Variants in TECRL observed in about 807,000 individuals in gnomAD.
TECRL encodes trans-2,3-enoyl-CoA reductase-like.
In TECRL, 63 loss-of-function variants were observed where a neutral mutation model predicts 52.8. That is an observed-to-expected ratio of 1.19 (90% confidence interval 0.97 to 1.47). The LOEUF (loss-of-function observed/expected upper bound fraction) is 1.47, where lower values mean the gene tolerates loss of function less well. Ranked by LOEUF, TECRL falls within the 40% of genes most tolerant of loss-of-function variation. TECRL has a pLI of 0.00. For synonymous variants in TECRL, 164 were observed against 141.9 expected (o/e 1.16, Z -1.10); for missense variants, 482 against 429.6 (o/e 1.12, Z -1.08).
At chr4:64,287,459 G>A (rs1723135846) in intron 9 of TECRL, among the ~76,000 whole-genome samples, 1 of 152,034 alleles carries the variant, frequency 6.6e-6, no homozygotes, top group Non-Finnish European at 1.5e-5. Context: ...AGAAATTCAA[G>A]TTGATGTTGA....
chr4:64,369,710 A>C (rs1721856408), intron 2 of TECRL, among the ~76,000 whole-genome samples: 1 of 152,056 alleles, frequency 6.6e-6, no homozygotes, highest in African/African-American at 2.4e-5. Flanking sequence ...TTTATCTGAA[A>C]GATAAAAATT....
chr4:64,288,908 T>G (rs1276314510), intron 9 of TECRL, among the ~76,000 whole-genome samples: 1 of 152,164 alleles, frequency 6.6e-6, no homozygotes, highest in African/African-American at 2.4e-5. Flanking sequence ...TTGAATGAAT[T>G]GGATTACAAA....
intron 2 of TECRL, among the ~76,000 whole-genome samples, chr4:64,369,778 T>G (rs912135223): frequency 2.6e-5 from 4 of 152,030 alleles, no homozygotes; most frequent in Non-Finnish European, 5.9e-5. Flanking sequence ...TGTGCTACAA[T>G]AGAAATATTT....
At position 64,314,512 on chromosome 4, in the gene TECRL, T is replaced by C. The variant is rs1965938; in HGVS notation, c.551+136A>G. On this transcript the variant is annotated intron_variant, in intron 5 of 11. Transcript: ENST00000381210. ...TAAAATACATTTCCATAAAATGATA[T>C]CCACTTCAATCGCGTTTAGTAACAA... 0.7 allele frequency: 449,660 copies of C among 638,144 alleles called. 165,181 individuals are homozygous for C. Among genetic ancestry groups the C allele is most frequent in the Non-Finnish European group, 0.76 (276,003 of 363,412 alleles). The allele number at this position is 638,144 out of a possible 1,614,324, so 39.5% of individuals were successfully genotyped here. A position where few individuals can be genotyped will look rare whatever the true frequency, so the allele number is the denominator to read the frequency against.
intron 2 of TECRL, among the ~76,000 whole-genome samples, chr4:64,347,029 GA>G (rs1048188239): frequency 2.0e-5 from 3 of 152,176 alleles, no homozygotes; most frequent in Non-Finnish European, 4.4e-5. Context: ...TCAGTCAGGT[GA>G]AAAACATCCT....
chr4:64,349,903 T>G (rs1720262271), intron 2 of TECRL, among the ~76,000 whole-genome samples: 1 of 152,214 alleles, frequency 6.6e-6, no homozygotes, highest in Non-Finnish European at 1.5e-5. Context: ...CTTACCAACT[T>G]AAGCAGACAC....
At chr4:64,362,559 T>C (rs1721273553) in intron 2 of TECRL, among the ~76,000 whole-genome samples, 3 of 152,074 alleles carry the variant, frequency 2.0e-5, no homozygotes, top group Middle Eastern at 3.4e-3. Context: ...TTCAGCACCA[T>C]TAAAAAAAGA....
intron 8 of TECRL, among the ~76,000 whole-genome samples, chr4:64,295,981 T>A (rs1723658713): frequency 6.6e-6 from 1 of 151,954 alleles, no homozygotes; most frequent in South Asian, 2.1e-4. Flanking sequence ...TCAGGAAATT[T>A]GAGATGAGAG....
chr4:64,314,007 G>A (rs1717282428), intron 5 of TECRL, among the ~76,000 whole-genome samples: 1 of 144,686 alleles, frequency 6.9e-6, no homozygotes, highest in Non-Finnish European at 1.5e-5. Flanking sequence ...AAAATTAGCT[G>A]AGCATTGTGG....
At chr4:64,340,331 G>A (rs1472502575) in intron 2 of TECRL, among the ~76,000 whole-genome samples, 1 of 152,202 alleles carries the variant, frequency 6.6e-6, no homozygotes, top group Admixed American at 6.5e-5. Context: ...CCCAAATCAT[G>A]GCTGCAGGCC....
chr4:64,379,570 T>C, intron 1 of TECRL, among the ~76,000 whole-genome samples: 1 of 152,122 alleles, frequency 6.6e-6, no homozygotes, highest in East Asian at 1.9e-4. Context: ...TGTCACACAG[T>C]AGAAGCTACT....
At chr4:64,358,823 T>G (rs1720969234) in intron 2 of TECRL, among the ~76,000 whole-genome samples, 1 of 151,784 alleles carries the variant, frequency 6.6e-6, no homozygotes, top group Non-Finnish European at 1.5e-5. Flanking sequence ...CGTCTGAAAT[T>G]AGCAATAAGA....
chr4:64,280,984 C>T (rs1458652640), intron 11 of TECRL, 57 bp downstream of exon 11: 13 of 1,309,500 alleles, frequency 9.9e-6, no homozygotes, highest in Middle Eastern at 2.0e-4. Flanking sequence ...TTCTCAGAAA[C>T]CATTTATCTT....
At chr4:64,388,220 C>CTTTT (rs3045235) in intron 1 of TECRL, among the ~76,000 whole-genome samples, 75,865 of 126,850 alleles carry the variant, frequency 0.6, 25,497 homozygotes, top group Non-Finnish European at 0.74. Context: ...AGTCTAAATC[C>CTTTT]TTTTTTTTTT....
intron 1 of TECRL, among the ~76,000 whole-genome samples, chr4:64,384,429 T>A (rs974137): frequency 0.88 from 134,003 of 152,100 alleles, 60,107 homozygotes; most frequent in East Asian, 1. Flanking sequence ...TTAACTGTGG[T>A]GGTGGCAGGC....
At chr4:64,311,655 A>C (rs909181793) in intron 5 of TECRL, among the ~76,000 whole-genome samples, 2 of 152,194 alleles carry the variant, frequency 1.3e-5, no homozygotes, top group African/African-American at 4.8e-5. Context: ...TAGAATGTAC[A>C]GCTAGAGACT....
intron 8 of TECRL, among the ~76,000 whole-genome samples, chr4:64,292,579 A>G (rs2109954799): frequency 6.6e-6 from 1 of 152,158 alleles, no homozygotes; most frequent in African/African-American, 2.4e-5. Flanking sequence ...AGAATATTAA[A>G]TGACTTAATC....
intron 6 of TECRL, among the ~76,000 whole-genome samples, chr4:64,309,041 G>A (rs1240602307): frequency 6.6e-6 from 1 of 152,114 alleles, no homozygotes; most frequent in African/African-American, 2.4e-5. Flanking sequence ...TCGGATTTAG[G>A]AGTTGTAGTC....
chr4:64,329,605 A>C (rs1177299128), intron 2 of TECRL, among the ~76,000 whole-genome samples: 1 of 152,064 alleles, frequency 6.6e-6, no homozygotes, highest in South Asian at 2.1e-4. Flanking sequence ...AAATTTAACT[A>C]TCTAGAAAAT....
Sources: allele counts gnomAD v4.1 joint callset (sites outside exome capture counted in the v4.1 genomes callset), GRCh38; gene constraint gnomAD v4.1.1; transcripts MANE v1.5; gene names NCBI Gene and HGNC (gene_info 2026-07-23, HGNC 2026-07-21).